Variants in PIAS2 observed in about 807,000 individuals in gnomAD.
PIAS2 encodes E3 SUMO-protein ligase PIAS2.
Under a neutral mutation model 69.7 loss-of-function variants are expected in PIAS2, and 19 were observed. The ratio of observed to expected loss-of-function variants is 0.27; its 90% CI spans 0.19 to 0.40. The LOEUF (loss-of-function observed/expected upper bound fraction) is 0.40. Among genes scored for constraint, PIAS2 ranks in the 10% least tolerant of loss-of-function variants. PIAS2 has a pLI of 1.00. For synonymous variants in PIAS2, 261 were observed against 263.2 expected (o/e 0.99, Z 0.08); for missense variants, 624 against 757.0 (o/e 0.82, Z 2.06).
At chr18:46,829,466 G>T (rs923981999) in intron 10 of PIAS2, among the ~76,000 whole-genome samples, 11 of 152,056 alleles carry the variant, frequency 7.2e-5, no homozygotes, top group African/African-American at 2.7e-4. Flanking sequence ...TTTTTGTTTT[G>T]TAACAAACAT....
chr18:46,815,762 C>T, intron 12 of PIAS2: 3 of 1,001,224 alleles, frequency 3.0e-6, no homozygotes, highest in Non-Finnish European at 3.6e-6. Context: ...AGAGGTTCAT[C>T]TAAGTATCGC....
chr18:46,822,951 T>C lies in PIAS2; in HGVS notation c.1509-1879A>G, dbSNP rs2042340002. 3.9e-5 allele frequency among the ~76,000 whole-genome samples: 6 copies of C among 152,132 alleles called. No individual in the cohort carries two copies. The South Asian group carries it at 1.2e-3, about 32-fold the overall frequency. On this transcript the variant is annotated intron_variant, in intron 11 of 13. Coordinates refer to ENST00000585916, the MANE Select transcript of PIAS2 (RefSeq NM_004671.5). ...TAAAAAGTTTCTACTTAAGAGTACA[T>C]TTAGAGCCAGGCAAGGTGGTTCACA...
chr18:46,869,963 C>T (rs1359408463), intron 2 of PIAS2, among the ~76,000 whole-genome samples: 1 of 152,062 alleles, frequency 6.6e-6, no homozygotes, highest in Non-Finnish European at 1.5e-5. Flanking sequence ...AAGACCTCTA[C>T]CCCAAAACAA....
rs539442469 is a variant in PIAS2 at position 46,810,396 on chromosome 18, A to G, written c.*2037T>C. The G allele has an allele frequency of 1.1e-4, 16 of 149,004 alleles. No individual in the cohort carries two copies. The highest frequency in any genetic ancestry group is 3.9e-4 in the African/African-American group (16 of 41,310). 9.2% of individuals were successfully genotyped at this position (149,004 alleles called of 1,614,324 possible). A position where few individuals can be genotyped will look rare whatever the true frequency, so the allele number is the denominator to read the frequency against. On this transcript the variant is annotated 3_prime_UTR_variant, in exon 14 of 14. Coordinates refer to ENST00000585916, the MANE Select transcript of PIAS2 (RefSeq NM_004671.5). ...TAAGTCATACCACACAAACCAAGTT[A>G]AGTTTTTTCTATCTGATTACAGAGT...
intron 2 of PIAS2, among the ~76,000 whole-genome samples, chr18:46,889,643 A>G (rs999499004): frequency 2.6e-5 from 4 of 152,220 alleles, no homozygotes. Context: ...TGTAAAATGC[A>G]GCTGCCACGG....
chr18:46,866,954 G>A (rs922058583), intron 2 of PIAS2, among the ~76,000 whole-genome samples: 12 of 152,146 alleles, frequency 7.9e-5, no homozygotes, highest in African/African-American at 2.9e-4. Context: ...AATGACTGGA[G>A]ACAACCTACC....
At chr18:46,912,061 A>G (rs2057326906) in intron 1 of PIAS2, among the ~76,000 whole-genome samples, 1 of 152,100 alleles carries the variant, frequency 6.6e-6, no homozygotes, top group Admixed American at 6.6e-5. Context: ...CAAAAAAAAA[A>G]GGAAAAAAGA....
At chr18:46,910,143 C>A (rs909162537) in intron 1 of PIAS2, among the ~76,000 whole-genome samples, 1 of 151,794 alleles carries the variant, frequency 6.6e-6, no homozygotes, top group Non-Finnish European at 1.5e-5. Flanking sequence ...GCAAGAAGAG[C>A]AAAACTCCGT....
intron 5 of PIAS2, among the ~76,000 whole-genome samples, chr18:46,852,331 T>C (rs2047086513): frequency 1.3e-5 from 2 of 152,186 alleles, no homozygotes; most frequent in African/African-American, 4.8e-5. Flanking sequence ...TTTGATTTTC[T>C]TTGGGATGGC....
chr18:46,839,095 A>C (rs1403145793), intron 8 of PIAS2, among the ~76,000 whole-genome samples: 1 of 152,226 alleles, frequency 6.6e-6, no homozygotes, highest in Non-Finnish European at 1.5e-5. Flanking sequence ...GTACCAACAT[A>C]AATATTGGCT....
Position 46,864,266 on chromosome 18 carries a change from A to T in PIAS2, c.500-18T>A, listed in dbSNP as rs1239984194. 2 of 1,508,392 alleles carry T rather than the reference A, an allele frequency of 1.3e-6. No homozygotes were observed. Among genetic ancestry groups the T allele is most frequent in the Non-Finnish European group, 1.8e-6 (2 of 1,110,634 alleles). The allele number at this position is 1,508,392 out of a possible 1,614,324, so 93.4% of individuals were successfully genotyped here. A position where few individuals can be genotyped will look rare whatever the true frequency, so the allele number is the denominator to read the frequency against. Reference sequence around the variant, plus strand: ...GCTTTGAACTGGGAAGAAAAAAAAAAAGAAAGATAATATTTCAATAACAAA... The same window carrying T: ...GCTTTGAACTGGGAAGAAAAAAAAATAGAAAGATAATATTTCAATAACAAA... On this transcript the variant is annotated intron_variant, in intron 2 of 13. Transcript: ENST00000585916.
intron 13 of PIAS2, among the ~76,000 whole-genome samples, chr18:46,814,714 T>G (rs1407641657): frequency 6.6e-6 from 1 of 152,194 alleles, no homozygotes; most frequent in African/African-American, 2.4e-5. Flanking sequence ...TTCTCATGCC[T>G]TCTCCTCCTC....
intron 11 of PIAS2, among the ~76,000 whole-genome samples, chr18:46,822,352 G>A (rs986947699): frequency 1.3e-5 from 2 of 152,102 alleles, no homozygotes; most frequent in African/African-American, 4.8e-5. Flanking sequence ...GATCCATTTA[G>A]GAAGCTTATG....
chr18:46,828,190 T>C, intron 10 of PIAS2, 60 bp from the exon 11 acceptor site: 1 of 1,402,986 alleles, frequency 7.1e-7, no homozygotes, highest in South Asian at 1.4e-5. Flanking sequence ...TAAACTCTAG[T>C]GGTAGAGTCT....
chr18:46,840,638 A>C (rs2099917238), intron 8 of PIAS2, among the ~76,000 whole-genome samples: 1 of 152,210 alleles, frequency 6.6e-6, no homozygotes, highest in Admixed American at 6.5e-5. Context: ...TAGTGGTCTT[A>C]TAAGAACTAA....
chr18:46,900,742 G>T (rs947289558), intron 1 of PIAS2, among the ~76,000 whole-genome samples: 12 of 151,176 alleles, frequency 7.9e-5, no homozygotes, highest in African/African-American at 2.7e-4. Flanking sequence ...TTGGGAGACC[G>T]AGGCGGGTGA....
intron 6 of PIAS2, among the ~76,000 whole-genome samples, chr18:46,845,411 G>C (rs1244936964): frequency 6.6e-6 from 1 of 152,084 alleles, no homozygotes; most frequent in Non-Finnish European, 1.5e-5. Flanking sequence ...TTTCTTCTGA[G>C]GAAAGCTTTG....
chr18:46,810,733 G>A lies in PIAS2; in HGVS notation c.*1700C>T, dbSNP rs1421330149. The A allele has an allele frequency of 6.7e-6, 1 of 149,876 alleles. No individual in the cohort carries two copies. Among genetic ancestry groups the A allele is most frequent in the Admixed American group, 6.6e-5 (1 of 15,112 alleles). 9.3% of individuals were successfully genotyped at this position (149,876 alleles called of 1,614,324 possible). On this transcript the variant is annotated 3_prime_UTR_variant, in exon 14 of 14. Coordinates refer to ENST00000585916, the MANE Select transcript of PIAS2 (RefSeq NM_004671.5). Reference sequence around the variant, plus strand: ...CACAAAGGCCATGGAAACTTGAGAAGGTGAAAGAAAAAAAAAAAAAACCCC... The same window carrying A: ...CACAAAGGCCATGGAAACTTGAGAAAGTGAAAGAAAAAAAAAAAAAACCCC...
rs753891118 is a variant in PIAS2, at chr18:46,812,491, T to G, written c.1808A>C (p.Glu603Ala). The G allele has an allele frequency of 6.2e-7, 1 of 1,613,008 alleles. No homozygotes were observed. Among genetic ancestry groups the G allele is most frequent in the East Asian group, 2.2e-5 (1 of 44,884 alleles). Residue 603 changes from glutamate (E) to alanine (A), a missense_variant, in exon 14 of 14, where the codon GAG (glutamate) becomes GCG (alanine). Physicochemically the swap from Glu to Ala is moderately radical, Grantham distance 107. Transcript: ENST00000585916. ...TCCACTGCTGGTTATGACCCCTGTC[T>G]CACTCCTGCTGCTGGATGAACTAAC... ...THVSSSSSRS[E>A]TGVITSSGSN...
Sources: allele counts gnomAD v4.1 joint callset (sites outside exome capture counted in the v4.1 genomes callset), GRCh38; gene constraint gnomAD v4.1.1; transcripts MANE v1.5; gene names NCBI Gene and HGNC (gene_info 2026-07-23, HGNC 2026-07-21).